PPP1R3A: variants seen among roughly 807,000 people sequenced by gnomAD.
The protein encoded by PPP1R3A is RG1.
PPP1R3A carries 29 observed loss-of-function variants against 41.7 expected under a neutral mutation model. The ratio of observed to expected loss-of-function variants is 0.70; its 90% CI spans 0.52 to 0.95. The LOEUF (loss-of-function observed/expected upper bound fraction) is 0.95. Ranked by LOEUF, PPP1R3A falls within the 40% of genes least tolerant of loss-of-function variation. The pLI is 0.00. For synonymous variants in PPP1R3A, 485 were observed against 453.4 expected (o/e 1.07, Z -0.89); for missense variants, 1,352 against 1,292.4 (o/e 1.05, Z -0.71).
chr7:113,914,343 C>A (rs1797304378), intron 1 of PPP1R3A, among the ~76,000 whole-genome samples: 1 of 152,140 alleles, frequency 6.6e-6, no homozygotes, highest in South Asian at 2.1e-4. Context: ...ATATGCATGT[C>A]TGTTCAATCC....
intron 1 of PPP1R3A, among the ~76,000 whole-genome samples, chr7:113,913,836 C>G (rs1462370376): frequency 6.6e-6 from 1 of 151,966 alleles, no homozygotes; most frequent in Non-Finnish European, 1.5e-5. Flanking sequence ...TACTGTATAC[C>G]CAGAGAATCT....
intron 1 of PPP1R3A, among the ~76,000 whole-genome samples, chr7:113,912,415 A>AAC (rs368290503): frequency 5.3e-5 from 8 of 152,102 alleles, no homozygotes; most frequent in East Asian, 1.9e-4. Flanking sequence ...ATAAGCATAC[A>AAC]ACACACACAC....
intron 1 of PPP1R3A, among the ~76,000 whole-genome samples, chr7:113,916,184 A>G (rs2129121703): frequency 6.6e-6 from 1 of 152,144 alleles, no homozygotes; most frequent in Non-Finnish European, 1.5e-5. Context: ...AGTGCAGAAA[A>G]TGTATTTGTG....
At chr7:113,881,196 C>T (rs940572994) in intron 3 of PPP1R3A, among the ~76,000 whole-genome samples, 3 of 151,996 alleles carry the variant, frequency 2.0e-5, no homozygotes, top group South Asian at 2.1e-4. Context: ...GATGCAGCTC[C>T]GCGATCACTA....
chr7:113,900,948 T>A (rs796557570), intron 1 of PPP1R3A, among the ~76,000 whole-genome samples: 89 of 151,720 alleles, frequency 5.9e-4, no homozygotes, highest in African/African-American at 2.1e-3. Context: ...AGTTTTTTTT[T>A]AAATAATGCT....
intron 1 of PPP1R3A, among the ~76,000 whole-genome samples, chr7:113,899,199 C>T (rs1797024552): frequency 6.6e-6 from 1 of 151,762 alleles, no homozygotes; most frequent in Non-Finnish European, 1.5e-5. Context: ...CCAATTCAAG[C>T]TGAGTTCAGT....
chr7:113,893,953 C>T (rs1397358101), intron 1 of PPP1R3A, among the ~76,000 whole-genome samples: 1 of 151,924 alleles, frequency 6.6e-6, no homozygotes, highest in African/African-American at 2.4e-5. Flanking sequence ...TTTAACTCTT[C>T]AGTTCCTACC....
intron 1 of PPP1R3A, among the ~76,000 whole-genome samples, chr7:113,902,602 T>C (rs1797084172): frequency 6.6e-6 from 1 of 151,874 alleles, no homozygotes; most frequent in South Asian, 2.1e-4. Context: ...TCCTGTTCAC[T>C]CCCTTCTTAG....
intron 1 of PPP1R3A, among the ~76,000 whole-genome samples, chr7:113,890,083 A>G (rs1796853439): frequency 6.6e-6 from 1 of 151,982 alleles, no homozygotes; most frequent in Non-Finnish European, 1.5e-5. Context: ...TTATCAGTAA[A>G]AAAAAAAAGA....
intron 1 of PPP1R3A, among the ~76,000 whole-genome samples, chr7:113,909,890 T>C (rs1355648664): frequency 2.6e-5 from 4 of 152,022 alleles, no homozygotes; most frequent in African/African-American, 9.7e-5. Context: ...AACATAATCT[T>C]CCCAAGAGAT....
intron 1 of PPP1R3A, among the ~76,000 whole-genome samples, chr7:113,888,266 C>T (rs915472050): frequency 5.3e-5 from 8 of 151,966 alleles, no homozygotes; most frequent in South Asian, 2.1e-4. Context: ...TTACATTTAC[C>T]AACGTATTTC....
intron 1 of PPP1R3A, among the ~76,000 whole-genome samples, chr7:113,899,171 T>C (rs950903710): frequency 6.6e-6 from 1 of 151,804 alleles, no homozygotes; most frequent in Admixed American, 6.6e-5. Context: ...CCCTTAAAAA[T>C]GCCCAGTCAC....
At position 113,878,196 on chromosome 7, in the gene PPP1R3A, G is replaced by A. The variant is rs1302054071; in HGVS notation, c.2896C>T (p.His966Tyr). Residue 966 changes from histidine (H) to tyrosine (Y), a missense_variant, in exon 4 of 4, where the codon CAC becomes TAC. Physicochemically the swap from His to Tyr is moderately conservative, Grantham distance 83. Transcript: ENST00000284601. Reference sequence around the variant, plus strand: ...TCAGGTTTAGACTCAGGATAAGGGTGCTTCTCAATACCCTGGATTTCTCTT... The same window carrying A: ...TCAGGTTTAGACTCAGGATAAGGGTACTTCTCAATACCCTGGATTTCTCTT... ...STREIQGIEK[H>Y]PYPESKPEEV... The A allele has an allele frequency of 1.2e-6, 2 of 1,613,234 alleles. No homozygotes were observed. The highest frequency in any genetic ancestry group is 1.7e-6 in the Non-Finnish European group (2 of 1,179,562).
intron 1 of PPP1R3A, among the ~76,000 whole-genome samples, chr7:113,900,819 T>G (rs1199246803): frequency 6.7e-6 from 1 of 149,624 alleles, no homozygotes; most frequent in Non-Finnish European, 1.5e-5. Context: ...CTCCTAATTT[T>G]ATAAAAAATA....
chr7:113,887,128 T>TA (rs1796798110), intron 1 of PPP1R3A, among the ~76,000 whole-genome samples: 1 of 152,090 alleles, frequency 6.6e-6, no homozygotes, highest in Non-Finnish European at 1.5e-5. Flanking sequence ...TCTAATATTT[T>TA]AAAATATGTA....
Position 113,879,397 on chromosome 7 carries a change from C to G in PPP1R3A, c.1695G>C (p.Leu565=). Reference sequence around the variant, plus strand: ...TGGGGATTGCGGTATGTTCGCTCAGCAGAGTAGCCAGGTCTCTGTTACTAG... The same window carrying G: ...TGGGGATTGCGGTATGTTCGCTCAGGAGAGTAGCCAGGTCTCTGTTACTAG... ...IGASNRDLAT[L]LSEHTAIPTR... is the part of the protein sequence containing the mutation. Residue 565 remains leucine, a synonymous_variant, in exon 4 of 4, where the codon CTG becomes CTC. Coordinates refer to ENST00000284601, the MANE Select transcript of PPP1R3A (RefSeq NM_002711.4). 1.9e-6 allele frequency: 3 copies of G among 1,613,570 alleles called. No individual in the cohort carries two copies. In the South Asian group the frequency reaches 3.3e-5, roughly 18 times the overall value.
Position 113,877,477 on chromosome 7 carries a change from T to C in PPP1R3A, c.*246A>G, listed in dbSNP as rs1240762493. ...TCATAGCCTGCTAAGGAGCAACAGCTGTACCTAATTTCAACTTGACGTGCT... is the reference window on the plus strand; with the variant it reads ...TCATAGCCTGCTAAGGAGCAACAGCCGTACCTAATTTCAACTTGACGTGCT... On this transcript the variant is annotated 3_prime_UTR_variant, in exon 4 of 4. Transcript: ENST00000284601. 2 of 376,282 alleles carry C rather than the reference T, an allele frequency of 5.3e-6. No individual in the cohort carries two copies. Among genetic ancestry groups the C allele is most frequent in the Non-Finnish European group, 9.5e-6 (2 of 211,486 alleles). 23.3% of individuals were successfully genotyped at this position (376,282 alleles called of 1,614,324 possible). A position where few individuals can be genotyped will look rare whatever the true frequency, so the allele number is the denominator to read the frequency against.
At chr7:113,881,025 G>T (rs542048246) in intron 3 of PPP1R3A, among the ~76,000 whole-genome samples, 13 of 152,010 alleles carry the variant, frequency 8.6e-5, no homozygotes, top group Admixed American at 3.3e-4. Context: ...TCATCGTAAT[G>T]AGATGTATTG....
At chr7:113,880,665 G>C (rs1796675953) in intron 3 of PPP1R3A, among the ~76,000 whole-genome samples, 1 of 151,126 alleles carries the variant, frequency 6.6e-6, no homozygotes, top group South Asian at 2.1e-4. Flanking sequence ...AAATGTATTT[G>C]AGCTCTTCAG....
Sources: allele counts gnomAD v4.1 joint callset (sites outside exome capture counted in the v4.1 genomes callset), GRCh38; gene constraint gnomAD v4.1.1; transcripts MANE v1.5; gene names NCBI Gene and HGNC (gene_info 2026-07-23, HGNC 2026-07-21).